The following LGR4 variants were observed in gnomAD, a reference collection of about 807,000 sequenced individuals.
The protein encoded by LGR4 is leucine rich repeat containing G protein-coupled receptor 4.
In LGR4, 44 loss-of-function variants were observed where a neutral mutation model predicts 84.8. That is an observed-to-expected ratio of 0.52 (90% confidence interval 0.41 to 0.67). The LOEUF (loss-of-function observed/expected upper bound fraction) is 0.67, where lower values mean the gene tolerates loss of function less well. Among genes scored for constraint, LGR4 ranks in the 30% least tolerant of loss-of-function variants. The probability of loss-of-function intolerance (pLI) is 0.00; values close to 1 mark genes in which losing one functional copy is unlikely to be tolerated. For synonymous variants in LGR4, 429 were observed against 434.3 expected (o/e 0.99, Z 0.15); for missense variants, 1,032 against 1,131.4 (o/e 0.91, Z 1.26).
At chr11:27,470,687 A>G (rs964797078) in intron 1 of LGR4, among the ~76,000 whole-genome samples, 9 of 149,592 alleles carry the variant, frequency 6.0e-5, no homozygotes, top group Admixed American at 3.3e-4. Flanking sequence ...TTTTTTTTTT[A>G]ATGACAAGTT....
In LGR4 at chr11:27,472,736, C is replaced by T; in HGVS notation, c.-434G>A. 5.6e-6 allele frequency: 2 copies of T among 356,662 alleles called. No individual in the cohort carries two copies. Among genetic ancestry groups the T allele is most frequent in the Non-Finnish European group, 1.0e-5 (2 of 199,592 alleles). The allele number at this position is 356,662 out of a possible 1,614,324, so 22.1% of individuals were successfully genotyped here. On this transcript the variant is annotated 5_prime_UTR_variant, in exon 1 of 18. Coordinates refer to ENST00000379214, the MANE Select transcript of LGR4 (RefSeq NM_018490.5). The stretch of plus-strand genomic sequence containing the variant: ...ACACCCAGACTCTGGCTCGCTGTCT[C>T]CCAGCCGCGGCTCAATCTCTTCCCG...
intron 13 of LGR4, among the ~76,000 whole-genome samples, chr11:27,374,806 T>C (rs1862945195): frequency 1.3e-5 from 2 of 152,130 alleles, no homozygotes; most frequent in African/African-American, 4.8e-5. Context: ...CCAGTCTTCT[T>C]CCCTATGACT....
At chr11:27,410,864 T>C (rs143328550) in intron 2 of LGR4, among the ~76,000 whole-genome samples, 231 of 152,200 alleles carry the variant, frequency 1.5e-3, no homozygotes, top group African/African-American at 5.4e-3. Flanking sequence ...GAATCAGCAG[T>C]CAAATTCAAT....
chr11:27,429,865 T>C (rs1018914345), intron 1 of LGR4, among the ~76,000 whole-genome samples: 2 of 152,124 alleles, frequency 1.3e-5, no homozygotes, highest in Non-Finnish European at 2.9e-5. Context: ...TGGAATTGCC[T>C]GGGCTGGGAT....
chr11:27,368,798 T>C lies in LGR4; in HGVS notation c.1925A>G (p.Glu642Gly). The change falls in exon 18 of 18, where the codon GAA becomes GGA. Residue 642 changes from glutamate (E) to glycine (G), a missense_variant. By Grantham distance (98) the Glu-to-Gly change is moderately conservative (BLOSUM62 -2). Coordinates refer to ENST00000379214, the MANE Select transcript of LGR4 (RefSeq NM_018490.5). ...AIFLLMLATV[E>G]RSLSAKDIMK... ...TATATCTTTTGCAGATAAGCTTCTTTCGACAGTTGCTAGCATTAATAAAAA... is the reference window on the plus strand; with the variant it reads ...TATATCTTTTGCAGATAAGCTTCTTCCGACAGTTGCTAGCATTAATAAAAA... The C allele has an allele frequency of 6.2e-7, 1 of 1,614,128 alleles. No individual in the cohort carries two copies. The highest frequency in any genetic ancestry group is 8.5e-7 in the Non-Finnish European group (1 of 1,180,018).
chr11:27,400,929 A>G (rs1863488893), intron 2 of LGR4, among the ~76,000 whole-genome samples: 1 of 152,148 alleles, frequency 6.6e-6, no homozygotes, highest in Non-Finnish European at 1.5e-5. Flanking sequence ...ATCAGTATAA[A>G]CCTCATCTAA....
intron 9 of LGR4, 129 bp from the exon 10 acceptor site, chr11:27,380,468 A>C (rs1382516162): frequency 2.7e-6 from 2 of 744,512 alleles, no homozygotes; most frequent in African/African-American, 3.5e-5. Flanking sequence ...ATGTACTTGA[A>C]AGTATGATAA....
At chr11:27,449,667 T>A (rs1450202432) in intron 1 of LGR4, among the ~76,000 whole-genome samples, 2 of 150,974 alleles carry the variant, frequency 1.3e-5, no homozygotes, top group Non-Finnish European at 3.0e-5. Flanking sequence ...AAAAAGTAAA[T>A]AAAATAAAAA....
At chr11:27,442,851 C>T (rs912568645) in intron 1 of LGR4, among the ~76,000 whole-genome samples, 6 of 152,146 alleles carry the variant, frequency 3.9e-5, no homozygotes, top group African/African-American at 1.2e-4. Flanking sequence ...AGGAAGAAGA[C>T]TAATTGGGTA....
At chr11:27,390,883 G>C (rs1439464732) in intron 4 of LGR4, among the ~76,000 whole-genome samples, 2 of 152,162 alleles carry the variant, frequency 1.3e-5, no homozygotes, top group African/African-American at 4.8e-5. Flanking sequence ...ATACCCAGTA[G>C]CTTTCTCTCA....
chr11:27,392,322 G>T, intron 3 of LGR4, 125 bp downstream of exon 3: 1 of 692,970 alleles, frequency 1.4e-6, no homozygotes, highest in South Asian at 2.7e-5. Context: ...ACTACTCACT[G>T]GCCACTCCTT....
rs147137256 is a variant in LGR4, at chr11:27,422,471, G to T, written c.186-9611C>A. Among the ~76,000 whole-genome samples, 499 of 152,250 alleles carry T rather than the reference G, an allele frequency of 3.3e-3. 2 individuals are homozygous for T. The highest frequency in any genetic ancestry group is 0.012 in the African/African-American group (478 of 41,550). On this transcript the variant is annotated intron_variant, in intron 1 of 17. Transcript: ENST00000379214. Reference sequence around the variant, plus strand: ...CAACTTTTTTAAAAAATTGAAAGAGGAAAGAATAGAACAGAAAAATGCCAG... The same window carrying T: ...CAACTTTTTTAAAAAATTGAAAGAGTAAAGAATAGAACAGAAAAATGCCAG...
chr11:27,435,868 G>A (rs1354693265), intron 1 of LGR4, among the ~76,000 whole-genome samples: 1 of 151,760 alleles, frequency 6.6e-6, no homozygotes, highest in Non-Finnish European at 1.5e-5. Context: ...ATCCTAAGAG[G>A]TAGGTTCTAT....
At chr11:27,418,163 T>C (rs1187699961) in intron 1 of LGR4, among the ~76,000 whole-genome samples, 3 of 152,232 alleles carry the variant, frequency 2.0e-5, no homozygotes, top group Non-Finnish European at 4.4e-5. Context: ...ACTCCATTAG[T>C]CCACTCTATT....
At position 27,367,727 on chromosome 11, in the gene LGR4, A is replaced by G; in HGVS notation, c.*140T>C. On this transcript the variant is annotated 3_prime_UTR_variant, in exon 18 of 18. Coordinates refer to ENST00000379214, the MANE Select transcript of LGR4 (RefSeq NM_018490.5). ...TTCTTTGAAAATGACTGGTTTGAGA[A>G]ATAAACTGCCACCTCTCCTTCTTCT... 3.3e-6 allele frequency: 2 copies of G among 613,654 alleles called. No individual in the cohort carries two copies. The highest frequency in any genetic ancestry group is 5.2e-5 in the South Asian group (2 of 38,450). 38.0% of individuals were successfully genotyped at this position (613,654 alleles called of 1,614,324 possible). A position where few individuals can be genotyped will look rare whatever the true frequency, so the allele number is the denominator to read the frequency against.
intron 2 of LGR4, among the ~76,000 whole-genome samples, chr11:27,402,449 G>C (rs867346547): frequency 2.6e-5 from 4 of 152,202 alleles, no homozygotes; most frequent in South Asian, 2.1e-4. Context: ...CGACGTGGCT[G>C]AGCAACTCCA....
At chr11:27,418,361 T>C (rs1308308055) in intron 1 of LGR4, among the ~76,000 whole-genome samples, 3 of 152,228 alleles carry the variant, frequency 2.0e-5, no homozygotes, top group Non-Finnish European at 4.4e-5. Flanking sequence ...AAGATATTTT[T>C]TTGACCCTAC....
At chr11:27,449,374 G>A (rs1242054698) in intron 1 of LGR4, among the ~76,000 whole-genome samples, 6 of 152,238 alleles carry the variant, frequency 3.9e-5, no homozygotes, top group African/African-American at 7.2e-5. Flanking sequence ...TTTGAGCTCC[G>A]GAGTTCAAGA....
intron 1 of LGR4, among the ~76,000 whole-genome samples, chr11:27,432,413 G>A (rs1167292253): frequency 4.6e-5 from 7 of 152,160 alleles, no homozygotes; most frequent in Admixed American, 1.3e-4. Context: ...GAGTACAGGA[G>A]ACTGGCTCAC....
Sources: allele counts gnomAD v4.1 joint callset (sites outside exome capture counted in the v4.1 genomes callset), GRCh38; gene constraint gnomAD v4.1.1; transcripts MANE v1.5; gene names NCBI Gene and HGNC (gene_info 2026-07-23, HGNC 2026-07-21).